DFFB: variants seen among roughly 807,000 people sequenced by gnomAD.
The protein encoded by DFFB is DNA fragmentation factor subunit beta, also known as DNA fragmentation factor 40 kDa subunit.
In DFFB, 29 loss-of-function variants were observed where a neutral mutation model predicts 32.7. The observed-to-expected ratio is 0.89, with a 90% CI of 0.66 to 1.21. The LOEUF (loss-of-function observed/expected upper bound fraction) is 1.21, where lower values mean the gene tolerates loss of function less well. Among genes scored for constraint, DFFB ranks in the 50% most tolerant of loss-of-function variants. DFFB has a pLI of 0.00. For synonymous variants in DFFB, 170 were observed against 177.1 expected, an observed-to-expected ratio of 0.96 and a Z score of 0.32; for missense variants, 398 against 440.6, an observed-to-expected ratio of 0.90 and a Z score of 0.87.
chr1:3,883,781 C>A lies in DFFB; in HGVS notation c.*40C>A, dbSNP rs758579260. On this transcript the variant is annotated 3_prime_UTR_variant, in exon 7 of 7. Coordinates refer to ENST00000378209, the MANE Select transcript of DFFB (RefSeq NM_004402.4). ...GTCCTGGTCTTTGTTTGAGGCCTGA[C>A]GTGGGCATCATTTTAACAGGTGCCT... 5 of 1,562,568 alleles carry A rather than the reference C, an allele frequency of 3.2e-6. No individual in the cohort carries two copies. Among genetic ancestry groups the A allele is most frequent in the East Asian group, 2.3e-5 (1 of 44,360 alleles).
rs1432463492 is a variant in DFFB, at chr1:3,884,316, T to C, written c.*575T>C. 1.3e-5 allele frequency: 2 copies of C among 155,018 alleles called. No individual in the cohort carries two copies. Among genetic ancestry groups the C allele is most frequent in the Non-Finnish European group, 2.9e-5 (2 of 69,798 alleles). 9.6% of individuals were successfully genotyped at this position (155,018 alleles called of 1,614,324 possible). On this transcript the variant is annotated 3_prime_UTR_variant, in exon 7 of 7. Coordinates refer to ENST00000378209, the MANE Select transcript of DFFB (RefSeq NM_004402.4). ...TTGTCTCTGGGCTGAGGAATTCTTC[T>C]GTTCTCTGGTTTCACCAGCGTTGGG...
In DFFB at chr1:3,857,690, G is replaced by A; in HGVS notation, c.87G>A (p.Val29=). ...TGGCTGGCCGGAGCTGCCAGGAGGT[G>A]CTGCGCAAGGGCTGTCTCCGCTTCC... is the stretch of plus-strand genomic sequence containing the variant. ...FGVAGRSCQE[V]LRKGCLRFQL... Residue 29 remains valine (V), a synonymous_variant, in exon 1 of 7, where the codon GTG becomes GTA. Transcript: ENST00000378209. 1.9e-6 allele frequency: 3 copies of A among 1,576,158 alleles called. No homozygotes were observed. Among genetic ancestry groups the A allele is most frequent in the Non-Finnish European group, 2.6e-6 (3 of 1,162,116 alleles).
chr1:3,878,540 C>T (rs1432998563), intron 6 of DFFB, among the ~76,000 whole-genome samples: 1 of 152,216 alleles, frequency 6.6e-6, no homozygotes, highest in East Asian at 1.9e-4. Flanking sequence ...CACCATGCCG[C>T]ATCTTCACTT....
At chr1:3,862,880 T>G (rs532839381) in intron 2 of DFFB, among the ~76,000 whole-genome samples, 1 of 152,292 alleles carries the variant, frequency 6.6e-6, no homozygotes, top group Admixed American at 6.5e-5. Context: ...CCGGGCACGG[T>G]GGCTCAAGCC....
At chr1:3,872,611 G>A in intron 6 of DFFB, 39 bp downstream of exon 6, 1 of 1,047,116 alleles carries the variant, frequency 9.6e-7, no homozygotes, top group Non-Finnish European at 1.3e-6. Flanking sequence ...ACGAGTGCCT[G>A]CAGGGCCCTG....
In DFFB at chr1:3,885,258, C is replaced by T. The variant is rs1638348810; in HGVS notation, c.*1517C>T. 6.6e-6 allele frequency: 1 copy of T among 152,128 alleles called. No individual in the cohort carries two copies. The highest frequency in any genetic ancestry group is 1.5e-5 in the Non-Finnish European group (1 of 68,030). The allele number at this position is 152,128 out of a possible 1,614,324, so 9.4% of individuals were successfully genotyped here. Reference sequence around the variant, plus strand: ...GGGATACGGGGGTTGGGCTAGATTACAGAGGGCTCATTTTCTACGTCATGT... The same window carrying T: ...GGGATACGGGGGTTGGGCTAGATTATAGAGGGCTCATTTTCTACGTCATGT... On this transcript the variant is annotated 3_prime_UTR_variant, in exon 7 of 7. Coordinates refer to ENST00000378209, the MANE Select transcript of DFFB (RefSeq NM_004402.4).
At chr1:3,869,873 C>G in intron 5 of DFFB, 98 bp downstream of exon 5, 1 of 1,297,998 alleles carries the variant, frequency 7.7e-7, no homozygotes, top group Non-Finnish European at 1.0e-6. Context: ...CCTTGCCCTG[C>G]CTGGGCAAAG....
intron 2 of DFFB, chr1:3,860,600 A>AC: frequency 4.0e-6 from 1 of 251,118 alleles, no homozygotes; most frequent in Non-Finnish European, 8.6e-6. Flanking sequence ...ATGTACCTCT[A>AC]CCCTTTCCCT....
At chr1:3,871,461 GT>G (rs766376713) in intron 5 of DFFB, among the ~76,000 whole-genome samples, 1 of 151,968 alleles carries the variant, frequency 6.6e-6, no homozygotes, top group Non-Finnish European at 1.5e-5. Flanking sequence ...TAATTTTTGT[GT>G]TTTTAGTAGA....
intron 3 of DFFB, among the ~76,000 whole-genome samples, chr1:3,867,451 G>C (rs1381096234): frequency 6.6e-6 from 1 of 152,240 alleles, no homozygotes; most frequent in African/African-American, 2.4e-5. Context: ...TTTTGGGAAA[G>C]GAGGGCTTGA....
intron 5 of DFFB, among the ~76,000 whole-genome samples, chr1:3,872,270 G>A (rs949457749): frequency 1.3e-5 from 2 of 152,076 alleles, no homozygotes; most frequent in Admixed American, 1.3e-4. Context: ...AAAATTAGCC[G>A]GGCCTGATGG....
At chr1:3,873,030 T>C in intron 6 of DFFB, 1 of 1,251,282 alleles carries the variant, frequency 8.0e-7, no homozygotes, top group Non-Finnish European at 1.0e-6. Context: ...AGTCTTGCTC[T>C]GTGGCCCAGG....
At chr1:3,866,625 C>T (rs953045049) in intron 3 of DFFB, among the ~76,000 whole-genome samples, 4 of 152,104 alleles carry the variant, frequency 2.6e-5, no homozygotes, top group African/African-American at 9.7e-5. Context: ...AGGTCATCGG[C>T]ATTAGGTACA....
intron 1 of DFFB, among the ~76,000 whole-genome samples, 200 bp from the exon 2 acceptor site, chr1:3,858,518 T>A (rs1246213858): frequency 6.6e-6 from 1 of 152,250 alleles, no homozygotes; most frequent in Non-Finnish European, 1.5e-5. Flanking sequence ...ACTCTTCGTA[T>A]TTTAGAACGG....
chr1:3,862,266 ATTG>A (rs1644892500), intron 2 of DFFB, among the ~76,000 whole-genome samples: 1 of 152,264 alleles, frequency 6.6e-6, no homozygotes, highest in Non-Finnish European at 1.5e-5. Flanking sequence ...AAAACTTAAC[ATTG>A]TTAAGATGGT....
At position 3,883,856 on chromosome 1, in the gene DFFB, A is replaced by G. The variant is rs181886097; in HGVS notation, c.*115A>G. 14 of 714,122 alleles carry G rather than the reference A, an allele frequency of 2.0e-5. No homozygotes were observed. In the African/African-American group the frequency reaches 2.2e-4, roughly 11 times the overall value. 44.2% of individuals were successfully genotyped at this position (714,122 alleles called of 1,614,324 possible). On this transcript the variant is annotated 3_prime_UTR_variant, in exon 7 of 7. Coordinates refer to ENST00000378209, the MANE Select transcript of DFFB (RefSeq NM_004402.4). ...TTTTGGTCACTCCAGTAGCTCCTGG[A>G]AAAAACCTTAAAAAATGTTTCCTCC...
chr1:3,870,113 T>C (rs907572055), intron 5 of DFFB, among the ~76,000 whole-genome samples: 1 of 152,198 alleles, frequency 6.6e-6, no homozygotes, highest in African/African-American at 2.4e-5. Context: ...CTGCTCATAG[T>C]TCTGGAGGCT....
At chr1:3,860,384 G>A (rs1005499099) in intron 2 of DFFB, 8 of 402,990 alleles carry the variant, frequency 2.0e-5, no homozygotes, top group Non-Finnish European at 3.1e-5. Flanking sequence ...GCATTACCAC[G>A]TCTGGCTAAT....
intron 4 of DFFB, among the ~76,000 whole-genome samples, chr1:3,868,664 A>ACCACACCATACCACACCACACCAGG: frequency 3.4e-4 from 3 of 8,950 alleles, no homozygotes; most frequent in Non-Finnish European, 6.3e-4. Context: ...ACCAGGCCAC[A>ACCACACCATACCACACCACACCAGG]CCACACCACA....
Sources: gnomAD v4.1 joint callset for allele counts (sites outside exome capture counted in the v4.1 genomes callset) on GRCh38, gnomAD v4.1.1 for gene constraint, MANE v1.5 for transcripts, NCBI Gene and HGNC (gene_info 2026-07-23, HGNC 2026-07-21) for gene names.